Variants in QSER1 observed in about 807,000 individuals in gnomAD.
The protein encoded by QSER1 is glutamine and serine-rich protein 1.
QSER1 carries 49 observed loss-of-function variants against 158.5 expected under a neutral mutation model. The observed-to-expected ratio is 0.31, with a 90% CI of 0.25 to 0.39. The LOEUF is 0.39. QSER1 is among the 10% of genes least tolerant of loss of function. The pLI is 1.00. For missense variants in QSER1, 1,754 were observed against 2,010.3 expected, an observed-to-expected ratio of 0.87 and a Z score of 2.44; for synonymous variants, 650 against 715.5, an observed-to-expected ratio of 0.91 and a Z score of 1.46.
In QSER1 at chr11:32,966,393, T is replaced by C. The variant is rs770017857; in HGVS notation, c.5063T>C (p.Ile1688Thr). 6.2e-7 allele frequency: 1 copy of C among 1,614,056 alleles called. No homozygotes were observed. Among genetic ancestry groups the C allele is most frequent in the Admixed American group, 1.7e-5 (1 of 60,016 alleles). ...AGCTACATGGAATTGCTTGTTAGCA[T>C]TGCCTTGGACCCTGACACAATGCAA... ...FKSYMELLVS[I>T]ALDPDTMQAL... Residue 1688 changes from isoleucine (I) to threonine (T), a missense_variant, in exon 9 of 13, where the codon ATT becomes ACT. By Grantham distance (89) the Ile-to-Thr change is moderately conservative (BLOSUM62 -1). Coordinates refer to ENST00000650167, the MANE Select transcript of QSER1 (RefSeq NM_001076786.3).
At position 32,975,232 on chromosome 11, in the gene QSER1, T is replaced by C. The variant is rs1852952140; in HGVS notation, c.5359-16T>C. 2 of 1,507,890 alleles carry C rather than the reference T, an allele frequency of 1.3e-6. No individual in the cohort carries two copies. The highest frequency in any genetic ancestry group is 1.8e-6 in the Non-Finnish European group (2 of 1,123,492). The allele number at this position is 1,507,890 out of a possible 1,614,324, so 93.4% of individuals were successfully genotyped here. On this transcript the variant is annotated splice_polypyrimidine_tract_variant and intron_variant, in intron 11 of 12. Coordinates refer to ENST00000650167, the MANE Select transcript of QSER1 (RefSeq NM_001076786.3). Reference sequence around the variant, plus strand: ...TACTCCATGAAATGTATCTATAAACTTTTTTCTTTTTATAGGAGTTTGCTG... The same window carrying C: ...TACTCCATGAAATGTATCTATAAACCTTTTTCTTTTTATAGGAGTTTGCTG...
intron 1 of QSER1, among the ~76,000 whole-genome samples, chr11:32,923,571 A>G (rs796617342): frequency 9.9e-5 from 15 of 152,226 alleles, no homozygotes; most frequent in African/African-American, 3.4e-4. Context: ...CCAGCTACTC[A>G]GGAGGCTGAG....
chr11:32,912,763 A>C (rs976458239), intron 1 of QSER1, among the ~76,000 whole-genome samples: 2 of 152,094 alleles, frequency 1.3e-5, no homozygotes, highest in East Asian at 3.9e-4. Flanking sequence ...TATTTAAAAA[A>C]CTGGCCAGAC....
intron 3 of QSER1, among the ~76,000 whole-genome samples, chr11:32,930,488 G>GA (rs1384907581): frequency 6.6e-6 from 1 of 150,610 alleles, no homozygotes; most frequent in African/African-American, 2.4e-5. Context: ...TTCCAAAAAT[G>GA]AAAAAAAAAT....
intron 4 of QSER1, among the ~76,000 whole-genome samples, chr11:32,944,229 A>G (rs1299620916): frequency 6.7e-6 from 1 of 148,378 alleles, no homozygotes; most frequent in African/African-American, 2.5e-5. Context: ...TTGTGTCTCT[A>G]TTTCCTTCAG....
chr11:32,913,482 C>T (rs774594616), intron 1 of QSER1, among the ~76,000 whole-genome samples: 5 of 147,050 alleles, frequency 3.4e-5, no homozygotes, highest in African/African-American at 8.2e-5. Flanking sequence ...TGCGAGCTAC[C>T]GCACCCGGTC....
At chr11:32,912,111 G>A (rs1851774113) in intron 1 of QSER1, among the ~76,000 whole-genome samples, 1 of 152,170 alleles carries the variant, frequency 6.6e-6, no homozygotes, top group East Asian at 1.9e-4. Context: ...AATTTGTAAC[G>A]ATCCCCAATT....
rs749367330 is a variant in QSER1, at chr11:32,943,321, A to AG, written c.4177+7889dup. ...ATCCCTGTCTTGTGCCAGTTTTCAA[A>AG]GGGAATGCTTCCAGTTTTTGCCCAT... is the stretch of plus-strand genomic sequence containing the variant. On this transcript the variant is annotated intron_variant, in intron 4 of 12. Coordinates refer to ENST00000650167, the MANE Select transcript of QSER1 (RefSeq NM_001076786.3). 5.9e-3 allele frequency among the ~76,000 whole-genome samples: 870 copies of AG among 147,794 alleles called. 4 individuals carry two copies. Among genetic ancestry groups the AG allele is most frequent in the Non-Finnish European group, 0.011 (696 of 66,142 alleles).
chr11:32,927,621 C>T (rs1328945805), intron 2 of QSER1, among the ~76,000 whole-genome samples: 1 of 152,118 alleles, frequency 6.6e-6, no homozygotes, highest in Non-Finnish European at 1.5e-5. Flanking sequence ...ATTGGCCAGG[C>T]TGGTCTCAAA....
chr11:32,933,467 C>T lies in QSER1; in HGVS notation c.2209C>T (p.Gln737Ter). ...KVSKADDRYS[Q>*]SVIRSNSRLE... ...GTCAAAGGCAGATGACAGATATTCT[C>T]AGAGTGTAATCAGAAGTAATTCCCG... The change falls in exon 4 of 13, where the codon CAG becomes TAG. Residue 737 changes from glutamine to a stop codon, truncating the protein, a stop_gained. Coordinates refer to ENST00000650167, the MANE Select transcript of QSER1 (RefSeq NM_001076786.3). LOFTEE classifies it high-confidence loss of function. The T allele has an allele frequency of 6.2e-7, 1 of 1,612,232 alleles. No homozygotes were observed. Among genetic ancestry groups the T allele is most frequent in the Non-Finnish European group, 8.5e-7 (1 of 1,179,358 alleles).
chr11:32,976,300 A>G, intron 12 of QSER1, 34 bp from the exon 13 acceptor site: 1 of 1,516,132 alleles, frequency 6.6e-7, no homozygotes, highest in African/African-American at 1.4e-5. Context: ...TGATGTGATA[A>G]GTATAAGCTA....
intron 12 of QSER1, 142 bp downstream of exon 12, chr11:32,975,485 T>G (rs1852959627): frequency 6.7e-7 from 1 of 1,500,698 alleles, no homozygotes. Flanking sequence ...AAATAATGAC[T>G]TGATTTATTG....
intron 11 of QSER1, 133 bp downstream of exon 11, chr11:32,973,682 C>T (rs1366451895): frequency 6.3e-6 from 5 of 795,480 alleles, no homozygotes; most frequent in East Asian, 2.7e-5. Context: ...TAGGAATAAG[C>T]GTCACTGGCC....
intron 4 of QSER1, among the ~76,000 whole-genome samples, chr11:32,944,071 T>C (rs1185652655): frequency 1.3e-5 from 2 of 152,134 alleles, no homozygotes; most frequent in African/African-American, 4.8e-5. Context: ...TCTGTGGGAT[T>C]GGTGGTGATA....
Position 32,953,932 on chromosome 11 carries a change from G to T in QSER1, c.4253G>T (p.Gly1418Val), listed in dbSNP as rs778194960. 2 of 1,614,038 alleles carry T rather than the reference G, an allele frequency of 1.2e-6. No homozygotes were observed. The highest frequency in any genetic ancestry group is 1.7e-6 in the Non-Finnish European group (2 of 1,180,030). Residue 1418 changes from glycine (G) to valine (V), a missense_variant, in exon 5 of 13, where the codon GGT (glycine) becomes GTT (valine). Physicochemically the swap from Gly to Val is moderately radical, Grantham distance 109. Coordinates refer to ENST00000650167, the MANE Select transcript of QSER1 (RefSeq NM_001076786.3). ...GCTACTACTTCCTCAACCACTGTGGGTGCAGTTAAGCAAGAACCTCTCCAC... is the reference window on the plus strand; with the variant it reads ...GCTACTACTTCCTCAACCACTGTGGTTGCAGTTAAGCAAGAACCTCTCCAC... ...GTATTSSTTVGAVKQEPLHST... is the reference protein window; with the variant it reads ...GTATTSSTTVVAVKQEPLHST...
Position 32,978,782 on chromosome 11 carries a change from G to C in QSER1, c.*2308G>C, listed in dbSNP as rs1590193664. The C allele has an allele frequency of 1.3e-5, 2 of 152,302 alleles. No homozygotes were observed. Among genetic ancestry groups the C allele is most frequent in the South Asian group, 4.1e-4 (2 of 4,822 alleles). The allele number at this position is 152,302 out of a possible 1,614,324, so 9.4% of individuals were successfully genotyped here. ...ATCATCTTCTCTCATTTGATCCATA[G>C]AGCATAGGCAAAGATGTCAACCTCA... is the stretch of plus-strand genomic sequence containing the variant. On this transcript the variant is annotated 3_prime_UTR_variant, in exon 13 of 13. Coordinates refer to ENST00000650167, the MANE Select transcript of QSER1 (RefSeq NM_001076786.3).
Position 32,935,040 on chromosome 11 carries a change from GAC to G in QSER1, c.3784_3785del (p.Gln1262GlufsTer41). The G allele has an allele frequency of 6.2e-7, 1 of 1,614,082 alleles. No individual in the cohort carries two copies. Among genetic ancestry groups the G allele is most frequent in the Non-Finnish European group, 8.5e-7 (1 of 1,180,010 alleles). On this transcript the variant is annotated frameshift_variant, in exon 4 of 13. Transcript: ENST00000650167. LOFTEE classifies it high-confidence loss of function. ...GGTTATCAGCATCAAGAAAAAATGA[GAC>G]AGAAGATCAAAGAGGTGGAGGAAAA...
chr11:32,929,487 T>A (rs1852017388), intron 3 of QSER1, among the ~76,000 whole-genome samples: 1 of 152,202 alleles, frequency 6.6e-6, no homozygotes, highest in Non-Finnish European at 1.5e-5. Context: ...AGGTAGAAGT[T>A]TTTTTATTTT....
At chr11:32,958,822 T>A (rs1385971491) in intron 8 of QSER1, among the ~76,000 whole-genome samples, 1 of 152,212 alleles carries the variant, frequency 6.6e-6, no homozygotes, top group East Asian at 1.9e-4. Context: ...CTACTATATA[T>A]CTGCCACTAG....
Sources: allele counts gnomAD v4.1 joint callset (sites outside exome capture counted in the v4.1 genomes callset), GRCh38; gene constraint gnomAD v4.1.1; transcripts MANE v1.5; gene names NCBI Gene and HGNC (gene_info 2026-07-23, HGNC 2026-07-21).